NT5DC1: variants seen among roughly 807,000 people sequenced by gnomAD.
The protein encoded by NT5DC1 is 5'-nucleotidase domain-containing protein 1.
In NT5DC1, 42 loss-of-function variants were observed where a neutral mutation model predicts 59.4. The observed-to-expected ratio is 0.71, with a 90% CI of 0.55 to 0.92. The LOEUF (loss-of-function observed/expected upper bound fraction) is 0.92. NT5DC1 is among the 40% of genes least tolerant of loss of function. The probability of loss-of-function intolerance (pLI) is 0.00; values close to 1 mark genes in which losing one functional copy is unlikely to be tolerated. For synonymous variants in NT5DC1, 172 were observed against 188.1 expected, an observed-to-expected ratio of 0.91 and a Z score of 0.70; for missense variants, 501 against 537.1, an observed-to-expected ratio of 0.93 and a Z score of 0.66.
At position 116,244,196 on chromosome 6, in the gene NT5DC1, A is replaced by G. The variant is rs896309286; in HGVS notation, c.*172A>G. Reference sequence around the variant, plus strand: ...ATCTTGATGTTTAACAACTCTTATTATATTAAAATCTCAGTATCCTAAAAC... The same window carrying G: ...ATCTTGATGTTTAACAACTCTTATTGTATTAAAATCTCAGTATCCTAAAAC... On this transcript the variant is annotated 3_prime_UTR_variant, in exon 12 of 12. Transcript: ENST00000319550. The G allele has an allele frequency of 2.3e-6, 1 of 437,536 alleles. No homozygotes were observed. The highest frequency in any genetic ancestry group is 4.1e-6 in the Non-Finnish European group (1 of 245,710). 27.1% of individuals were successfully genotyped at this position (437,536 alleles called of 1,614,324 possible). A position where few individuals can be genotyped will look rare whatever the true frequency, so the allele number is the denominator to read the frequency against.
intron 3 of NT5DC1, among the ~76,000 whole-genome samples, chr6:116,109,761 C>A (rs2114902076): frequency 6.6e-6 from 1 of 152,256 alleles, no homozygotes; most frequent in African/African-American, 2.4e-5. Context: ...CCCCCATTTG[C>A]TTTTCTTATT....
At chr6:116,164,510 A>C (rs867834415) in intron 6 of NT5DC1, among the ~76,000 whole-genome samples, 4 of 152,196 alleles carry the variant, frequency 2.6e-5, no homozygotes, top group South Asian at 2.1e-4. Flanking sequence ...TTTAGGCAGC[A>C]GATGGTTGAA....
At chr6:116,191,345 C>G (rs1230143995) in intron 6 of NT5DC1, among the ~76,000 whole-genome samples, 1 of 151,878 alleles carries the variant, frequency 6.6e-6, no homozygotes, top group East Asian at 1.9e-4. Flanking sequence ...AACAAACAAA[C>G]AAAAGAAACC....
At chr6:116,196,945 T>G (rs181766584) in intron 6 of NT5DC1, among the ~76,000 whole-genome samples, 27 of 151,788 alleles carry the variant, frequency 1.8e-4, no homozygotes, top group African/African-American at 6.5e-4. Flanking sequence ...CCATGTTTTC[T>G]CCAGAGTTCT....
intron 6 of NT5DC1, among the ~76,000 whole-genome samples, chr6:116,149,668 A>AAAAGGC (rs1263425868): frequency 6.6e-6 from 1 of 152,220 alleles, no homozygotes; most frequent in Non-Finnish European, 1.5e-5. Context: ...CACTGAATTA[A>AAAAGGC]AAAGGCAATA....
chr6:116,198,915 CAG>C (rs947878939), intron 6 of NT5DC1, among the ~76,000 whole-genome samples: 5 of 151,980 alleles, frequency 3.3e-5, no homozygotes, highest in Non-Finnish European at 7.4e-5. Context: ...AGAATATAAA[CAG>C]TGTAAATTAG....
intron 6 of NT5DC1, among the ~76,000 whole-genome samples, chr6:116,185,644 G>A (rs538396469): frequency 1.3e-5 from 2 of 152,092 alleles, no homozygotes; most frequent in Admixed American, 6.6e-5. Context: ...TCTAACTGCC[G>A]TTGCTTTAAA....
intron 6 of NT5DC1, among the ~76,000 whole-genome samples, chr6:116,131,158 C>A (rs896646843): frequency 4.6e-5 from 7 of 152,154 alleles, no homozygotes; most frequent in African/African-American, 1.7e-4. Context: ...GTTTGCTGAT[C>A]TCCGTGGTAT....
At chr6:116,132,784 G>A (rs1201415368) in intron 6 of NT5DC1, among the ~76,000 whole-genome samples, 3 of 152,060 alleles carry the variant, frequency 2.0e-5, no homozygotes, top group Non-Finnish European at 4.4e-5. Flanking sequence ...CATCCTTTTA[G>A]GGTAGAAATG....
intron 1 of NT5DC1, among the ~76,000 whole-genome samples, chr6:116,101,760 A>G (rs571982853): frequency 6.6e-6 from 1 of 152,284 alleles, no homozygotes; most frequent in African/African-American, 2.4e-5. Context: ...CACTCAAATT[A>G]ATTGCCCTCC....
chr6:116,181,522 A>T (rs971477597), intron 6 of NT5DC1, among the ~76,000 whole-genome samples: 1 of 152,120 alleles, frequency 6.6e-6, no homozygotes, highest in African/African-American at 2.4e-5. Context: ...CCATTATAGG[A>T]TATCTCCAAA....
intron 6 of NT5DC1, chr6:116,120,876 C>T (rs1348581299): frequency 1.9e-6 from 3 of 1,613,814 alleles, no homozygotes; most frequent in Non-Finnish European, 2.5e-6. Flanking sequence ...GGTCCTCCAA[C>T]TCCAGGATCA....
chr6:116,135,878 CAT>C (rs1214377056), intron 6 of NT5DC1, among the ~76,000 whole-genome samples: 4 of 128,458 alleles, frequency 3.1e-5, no homozygotes, highest in Non-Finnish European at 5.1e-5. Flanking sequence ...TATATACACA[CAT>C]ACACACACAT....
At chr6:116,203,328 T>C (rs1283521975) in intron 6 of NT5DC1, among the ~76,000 whole-genome samples, 1 of 151,990 alleles carries the variant, frequency 6.6e-6, no homozygotes, top group East Asian at 1.9e-4. Context: ...AATGTGAACA[T>C]ATTTTCAGCT....
intron 6 of NT5DC1, among the ~76,000 whole-genome samples, chr6:116,131,589 A>G (rs1174584534): frequency 6.6e-6 from 1 of 152,148 alleles, no homozygotes; most frequent in Admixed American, 6.5e-5. Context: ...ATGGTACTCC[A>G]TTGTATAGAT....
chr6:116,195,012 C>T (rs1237848020), intron 6 of NT5DC1, among the ~76,000 whole-genome samples: 1 of 152,034 alleles, frequency 6.6e-6, no homozygotes, highest in Non-Finnish European at 1.5e-5. Flanking sequence ...TCACCTTCAC[C>T]TTCCTGCCAT....
chr6:116,108,574 T>G, intron 3 of NT5DC1, 139 bp downstream of exon 3: 1 of 607,902 alleles, frequency 1.6e-6, no homozygotes, highest in South Asian at 2.1e-5. Context: ...CTACATGTCT[T>G]TGTATGAATT....
intron 5 of NT5DC1, among the ~76,000 whole-genome samples, chr6:116,116,411 A>G (rs1339731084): frequency 6.6e-6 from 1 of 152,222 alleles, no homozygotes; most frequent in Non-Finnish European, 1.5e-5. Flanking sequence ...TAGGAGGCCA[A>G]AACAGGCGGA....
chr6:116,231,563 A>G (rs1365406246), intron 8 of NT5DC1, among the ~76,000 whole-genome samples: 3 of 152,242 alleles, frequency 2.0e-5, no homozygotes, highest in African/African-American at 7.2e-5. Flanking sequence ...CTATATCCCT[A>G]CTGACTAAAA....
Sources: gnomAD v4.1 joint callset for allele counts (sites outside exome capture counted in the v4.1 genomes callset) on GRCh38, gnomAD v4.1.1 for gene constraint, MANE v1.5 for transcripts, NCBI Gene and HGNC (gene_info 2026-07-23, HGNC 2026-07-21) for gene names.